OR14I1: variants seen among roughly 807,000 people sequenced by gnomAD.
OR14I1 encodes olfactory receptor family 14 subfamily I member 1, also known as olfactory receptor 14I1.
For missense variants in OR14I1, 279 were observed against 181.8 expected (o/e 1.53, Z -3.07); for synonymous variants, 118 against 71.1 (o/e 1.66, Z -3.32).
At chr1:248,698,633 C>G in the OR14I1 span, among the ~76,000 whole-genome samples, 1 of 152,138 alleles carries the variant, frequency 6.6e-6, no homozygotes, top group African/African-American at 2.4e-5. Context: ...AGAAAATATG[C>G]CAATATGTGA....
the OR14I1 span, among the ~76,000 whole-genome samples, chr1:248,701,066 AG>A: frequency 6.6e-6 from 1 of 152,372 alleles, no homozygotes; most frequent in African/African-American, 2.4e-5. Context: ...TCAAAGGAAA[AG>A]CTTATTTGTA....
chr1:248,679,810 T>C (rs1286286767), downstream of OR14I1, among the ~76,000 whole-genome samples: 1 of 152,216 alleles, frequency 6.6e-6, no homozygotes, highest in African/African-American at 2.4e-5. Flanking sequence ...AGGGTGAAAG[T>C]ACTTGCTTAT....
the OR14I1 span, among the ~76,000 whole-genome samples, chr1:248,694,422 A>G: frequency 6.6e-6 from 1 of 152,208 alleles, no homozygotes; most frequent in Admixed American, 6.5e-5. Flanking sequence ...ACTCCTGTTT[A>G]GCAACCATAG....
chr1:248,680,055 AATAG>A (rs1249856693), downstream of OR14I1, among the ~76,000 whole-genome samples: 12 of 152,366 alleles, frequency 7.9e-5, no homozygotes, highest in Admixed American at 2.6e-4. Flanking sequence ...AATAGTTGCA[AATAG>A]ATAGGTCTAA....
the OR14I1 span, among the ~76,000 whole-genome samples, chr1:248,688,791 G>A: frequency 6.6e-6 from 1 of 152,334 alleles, no homozygotes; most frequent in African/African-American, 2.4e-5. Flanking sequence ...GTTCCCATGG[G>A]AGAAGCAGGA....
the OR14I1 span, among the ~76,000 whole-genome samples, chr1:248,701,391 T>C: frequency 1.3e-5 from 2 of 152,192 alleles, no homozygotes; most frequent in African/African-American, 4.8e-5. Context: ...GGACCTCAAG[T>C]GATCCATCCA....
chr1:248,678,730 C>CT (rs1286345221), downstream of OR14I1, among the ~76,000 whole-genome samples: 1 of 151,974 alleles, frequency 6.6e-6, no homozygotes, highest in Non-Finnish European at 1.5e-5. Flanking sequence ...TTTCAGATTT[C>CT]TTTTTTTAGA....
At chr1:248,694,795 G>A in the OR14I1 span, among the ~76,000 whole-genome samples, 2 of 152,160 alleles carry the variant, frequency 1.3e-5, no homozygotes, top group African/African-American at 2.4e-5. Context: ...TCAAAAAGAA[G>A]TATTACTAAT....
At chr1:248,698,751 C>T in the OR14I1 span, 1 of 152,180 alleles carries the variant, frequency 6.6e-6, no homozygotes, top group African/African-American at 2.4e-5. Flanking sequence ...TGGATCACAC[C>T]AGAGTGTGAC....
chr1:248,697,562 A>G, the OR14I1 span, among the ~76,000 whole-genome samples: 1 of 152,058 alleles, frequency 6.6e-6, no homozygotes, highest in Non-Finnish European at 1.5e-5. Flanking sequence ...AGGCGGGCAG[A>G]TCACTTGAGG....
At chr1:248,699,310 G>A in the OR14I1 span, among the ~76,000 whole-genome samples, 1 of 152,170 alleles carries the variant, frequency 6.6e-6, no homozygotes, top group African/African-American at 2.4e-5. Context: ...TGCTGAGAAA[G>A]CAATTTAAGA....
the OR14I1 span, among the ~76,000 whole-genome samples, chr1:248,695,228 C>CTTTTTT: frequency 2.1e-4 from 20 of 96,720 alleles, no homozygotes; most frequent in South Asian, 3.5e-4. Context: ...TGAATGTATG[C>CTTTTTT]TTTTTTTTTT....
upstream of OR14I1, among the ~76,000 whole-genome samples, chr1:248,683,502 A>G (rs1426887027): frequency 6.6e-6 from 1 of 152,240 alleles, no homozygotes; most frequent in South Asian, 2.1e-4. Context: ...GATAAACTCT[A>G]TTAAGCACAT....
At chr1:248,693,417 CT>C in the OR14I1 span, among the ~76,000 whole-genome samples, 2 of 152,186 alleles carry the variant, frequency 1.3e-5, no homozygotes, top group African/African-American at 4.8e-5. Context: ...TCCTTTCCCC[CT>C]GCCCCATACT....
chr1:248,701,757 C>G, the OR14I1 span, among the ~76,000 whole-genome samples: 3 of 152,144 alleles, frequency 2.0e-5, no homozygotes, highest in Non-Finnish European at 2.9e-5. Flanking sequence ...CCTTCATTCC[C>G]CTTGCTCCCC....
chr1:248,689,055 T>C, the OR14I1 span, among the ~76,000 whole-genome samples: 1 of 152,144 alleles, frequency 6.6e-6, no homozygotes, highest in African/African-American at 2.4e-5. Flanking sequence ...GCCTGACTAT[T>C]TAAAATACAG....
At chr1:248,682,243 A>G (rs1298299794) in exon 1 of OR14I1, 1 of 775,596 alleles carries the variant, frequency 1.3e-6, no homozygotes. Context: ...CAGCACCTGC[A>G]GCTCCCAGAT....
In OR14I1 at chr1:248,682,174, A is replaced by G. The variant is rs144253792; in HGVS notation, c.131T>C (p.Ile44Thr). ...ATGCTGATCGAGAGTGATGACTGCA[A>G]TGATGAGCAGGTTCCCCACCAGCAC... is the stretch of plus-strand genomic sequence containing the variant. The change falls in exon 1 of 1, where the codon ATT becomes ACT. Residue 44 changes from isoleucine (I) to threonine (T), a missense_variant. Coordinates refer to ENST00000342623, the Ensembl canonical transcript of OR14I1. 6.2e-4 allele frequency: 483 copies of G among 781,076 alleles called. 1 individual carries two copies. The highest frequency in any genetic ancestry group is 8.5e-4 in the Non-Finnish European group (356 of 418,110). 48.4% of individuals were successfully genotyped at this position (781,076 alleles called of 1,614,324 possible).
chr1:248,696,222 G>A, the OR14I1 span, among the ~76,000 whole-genome samples: 1 of 152,212 alleles, frequency 6.6e-6, no homozygotes, highest in Admixed American at 6.5e-5. Flanking sequence ...GGCAGAAGAG[G>A]CCCTGGTCTG....
Sources: allele counts gnomAD v4.1 joint callset (sites outside exome capture counted in the v4.1 genomes callset), GRCh38; gene constraint gnomAD v4.1.1; transcripts MANE v1.5; gene names NCBI Gene and HGNC (gene_info 2026-07-23, HGNC 2026-07-21).